Variants in MAML3 observed in about 807,000 individuals in gnomAD.
The protein encoded by MAML3 is mastermind-like protein 3.
A neutral mutation model predicts 101.9 loss-of-function variants in MAML3; 27 were observed. That is an observed-to-expected ratio of 0.27 (90% CI 0.20 to 0.37). The LOEUF (loss-of-function observed/expected upper bound fraction) is 0.37, where lower values mean the gene tolerates loss of function less well. MAML3 is among the 10% of genes least tolerant of loss of function. The pLI is 1.00. For synonymous variants in MAML3, 501 were observed against 555.9 expected, an observed-to-expected ratio of 0.90 and a Z score of 1.39; for missense variants, 1,316 against 1,444.9, an observed-to-expected ratio of 0.91 and a Z score of 1.45.
At chr4:140,049,980 AAG>A (rs1727241493) in intron 1 of MAML3, among the ~76,000 whole-genome samples, 1 of 152,148 alleles carries the variant, frequency 6.6e-6, no homozygotes, top group Non-Finnish European at 1.5e-5. Context: ...AAAGTGGCAA[AAG>A]AGAAATCTAG....
intron 1 of MAML3, among the ~76,000 whole-genome samples, chr4:140,074,756 C>T (rs543286752): frequency 6.6e-6 from 1 of 152,222 alleles, no homozygotes; most frequent in Admixed American, 6.5e-5. Flanking sequence ...TCAGGAATGA[C>T]GGTGATGCCA....
chr4:139,921,392 G>A (rs972470651), intron 1 of MAML3, among the ~76,000 whole-genome samples: 9 of 151,936 alleles, frequency 5.9e-5, no homozygotes, highest in African/African-American at 2.2e-4. Context: ...GCTCACTATC[G>A]CTCCTGTGGG....
intron 2 of MAML3, among the ~76,000 whole-genome samples, chr4:139,849,787 T>C (rs1235635907): frequency 6.6e-6 from 1 of 152,250 alleles, no homozygotes; most frequent in Non-Finnish European, 1.5e-5. Flanking sequence ...CTTTTATGGT[T>C]CATTTGTGGA....
chr4:139,927,503 C>A (rs566776654), intron 1 of MAML3, among the ~76,000 whole-genome samples: 240 of 152,294 alleles, frequency 1.6e-3, no homozygotes, highest in Non-Finnish European at 2.4e-3. Context: ...ATTTTAGCAC[C>A]AATCTGTGAA....
chr4:139,977,828 T>A (rs1734370060), intron 1 of MAML3, among the ~76,000 whole-genome samples: 1 of 151,736 alleles, frequency 6.6e-6, no homozygotes, highest in South Asian at 2.1e-4. Context: ...AGCCAAGATC[T>A]TGCCACTGCA....
rs1728018583 is a variant in MAML3, at chr4:139,717,342, A to G, written c.*1981T>C. On this transcript the variant is annotated 3_prime_UTR_variant, in exon 5 of 5. Coordinates refer to ENST00000509479, the MANE Select transcript of MAML3 (RefSeq NM_018717.5). ...TTTATTTCCTGTACCTTTCAGGAAAAGGTAATTATGTTTTGTGTCTTCTCA... is the reference window on the plus strand; with the variant it reads ...TTTATTTCCTGTACCTTTCAGGAAAGGGTAATTATGTTTTGTGTCTTCTCA... The G allele has an allele frequency of 6.6e-6, 1 of 152,504 alleles. No individual in the cohort carries two copies. Among genetic ancestry groups the G allele is most frequent in the Non-Finnish European group, 1.5e-5 (1 of 68,016 alleles). 9.4% of individuals were successfully genotyped at this position (152,504 alleles called of 1,614,324 possible).
At chr4:139,946,908 C>T (rs904431432) in intron 1 of MAML3, among the ~76,000 whole-genome samples, 1 of 120,802 alleles carries the variant, frequency 8.3e-6, no homozygotes, top group Non-Finnish European at 1.7e-5. Context: ...CACACACACA[C>T]ACACACACAC....
Position 139,880,510 on chromosome 4 carries a change from C to G in MAML3, c.2079+8847G>C, listed in dbSNP as rs1358244811. ...TACTGGCTTAGTCAGAGTCATGAAC[C>G]TAAACTGTTTTCATAGTCCTTGAAG... On this transcript the variant is annotated intron_variant, in intron 2 of 4. Coordinates refer to ENST00000509479, the MANE Select transcript of MAML3 (RefSeq NM_018717.5). Among the ~76,000 whole-genome samples the G allele has an allele frequency of 4.6e-5, 7 of 152,184 alleles. No individual in the cohort carries two copies. In the East Asian group the frequency reaches 1.2e-3, roughly 25 times the overall value.
chr4:139,736,797 G>C (rs781266744), intron 2 of MAML3, among the ~76,000 whole-genome samples: 28 of 152,150 alleles, frequency 1.8e-4, no homozygotes, highest in Non-Finnish European at 3.8e-4. Flanking sequence ...AGGTGGTTAC[G>C]ATGTCCCATA....
intron 1 of MAML3, among the ~76,000 whole-genome samples, chr4:139,977,139 A>C (rs556628057): frequency 1.2e-4 from 18 of 152,298 alleles, no homozygotes; most frequent in African/African-American, 3.8e-4. Flanking sequence ...ATGAACCAGG[A>C]AACAGGCCCT....
At chr4:139,824,618 A>G (rs1010441879) in intron 2 of MAML3, among the ~76,000 whole-genome samples, 6 of 152,226 alleles carry the variant, frequency 3.9e-5, no homozygotes, top group African/African-American at 1.4e-4. Context: ...AGGGTCACAG[A>G]TGTTGATCAA....
At chr4:140,077,521 T>C (rs1727790109) in intron 1 of MAML3, among the ~76,000 whole-genome samples, 1 of 152,194 alleles carries the variant, frequency 6.6e-6, no homozygotes, top group Non-Finnish European at 1.5e-5. Context: ...CCAACTATCA[T>C]AAAGTTCTGT....
At chr4:140,007,852 T>C (rs922334727) in intron 1 of MAML3, among the ~76,000 whole-genome samples, 3 of 152,218 alleles carry the variant, frequency 2.0e-5, no homozygotes, top group Non-Finnish European at 4.4e-5. Flanking sequence ...TGAAACCTCC[T>C]GCCATTTTAA....
rs1553967119 is a variant in MAML3, at chr4:139,977,899, A to AC, written c.469-86933_469-86932insG. Among the ~76,000 whole-genome samples the AC allele has an allele frequency of 6.9e-3, 1,053 of 152,160 alleles. 14 individuals carry two copies. The highest frequency in any genetic ancestry group is 0.024 in the African/African-American group (1,004 of 41,486). ...AAAAAACAAAAAACAAAAAACAAAAAAAAAACAAAAAAAGGATCTTCTATG... is the reference window on the plus strand; with the variant it reads ...AAAAAACAAAAAACAAAAAACAAAAACAAAAACAAAAAAAGGATCTTCTATG... On this transcript the variant is annotated intron_variant, in intron 1 of 4. Transcript: ENST00000509479.
intron 1 of MAML3, among the ~76,000 whole-genome samples, chr4:140,081,753 A>AC (rs1727864811): frequency 6.6e-6 from 1 of 152,140 alleles, no homozygotes; most frequent in Admixed American, 6.6e-5. Context: ...ACTGCACAAC[A>AC]CCAGAGGATG....
chr4:140,068,911 A>G (rs191098489), intron 1 of MAML3, among the ~76,000 whole-genome samples: 232 of 152,314 alleles, frequency 1.5e-3, no homozygotes, highest in African/African-American at 5.3e-3. Flanking sequence ...TCTGGTTTCT[A>G]TCTTCCTCTC....
At chr4:139,897,685 T>C (rs947530713) in intron 1 of MAML3, among the ~76,000 whole-genome samples, 2 of 152,230 alleles carry the variant, frequency 1.3e-5, no homozygotes, top group African/African-American at 4.8e-5. Flanking sequence ...ATTCTCTGCA[T>C]CGTGGCTGTG....
chr4:139,921,670 A>G (rs1236476646), intron 1 of MAML3, among the ~76,000 whole-genome samples: 1 of 152,046 alleles, frequency 6.6e-6, no homozygotes, highest in African/African-American at 2.4e-5. Context: ...TCTAAAGAGA[A>G]TCAGCTCCTC....
chr4:140,146,262 T>G (rs534403638), intron 1 of MAML3, among the ~76,000 whole-genome samples: 1 of 152,196 alleles, frequency 6.6e-6, no homozygotes, highest in Non-Finnish European at 1.5e-5. Flanking sequence ...CATGCGTGCA[T>G]GCGGCCCTCA....
Sources: gnomAD v4.1 joint callset for allele counts (sites outside exome capture counted in the v4.1 genomes callset) on GRCh38, gnomAD v4.1.1 for gene constraint, MANE v1.5 for transcripts, NCBI Gene and HGNC (gene_info 2026-07-23, HGNC 2026-07-21) for gene names.